HEATR5A: variants seen among roughly 807,000 people sequenced by gnomAD.
HEATR5A encodes the protein HEAT repeat containing 5A.
Under a neutral mutation model 218.8 loss-of-function variants are expected in HEATR5A, and 178 were observed. The ratio of observed to expected loss-of-function variants is 0.81; its 90% CI spans 0.72 to 0.92. The LOEUF (loss-of-function observed/expected upper bound fraction) is 0.92, where lower values mean the gene tolerates loss of function less well. Ranked by LOEUF, HEATR5A falls within the 40% of genes least tolerant of loss-of-function variation. The pLI is 0.00. For synonymous variants in HEATR5A, 864 were observed against 871.6 expected (o/e 0.99, Z 0.15); for missense variants, 2,420 against 2,418.9 (o/e 1.00, Z -0.01).
At chr14:31,305,257 G>T in intron 31 of HEATR5A, 80 bp from the exon 32 acceptor site, 2 of 1,406,364 alleles carry the variant, frequency 1.4e-6, no homozygotes, top group South Asian at 1.3e-5. Flanking sequence ...CCTGTTACAG[G>T]AAATACATGT....
chr14:31,321,577 T>C lies in HEATR5A; in HGVS notation c.3891A>G (p.Leu1297=). 1 of 1,608,390 alleles carries C rather than the reference T, an allele frequency of 6.2e-7. No individual in the cohort carries two copies. Among genetic ancestry groups the C allele is most frequent in the East Asian group, 2.2e-5 (1 of 44,768 alleles). ...CAGTTGCAAATCGCCGAATAACAAC[T>C]AACAGCATTTCAAGGCCAGAAAGAC... is the stretch of plus-strand genomic sequence containing the variant. The part of the protein sequence containing the change: ...QLRLSGLEML[L]VVIRRFATVP... Residue 1297 remains leucine, a synonymous_variant, in exon 25 of 36, where the codon TTA becomes TTG. Transcript: ENST00000543095.
chr14:31,334,501 G>T (rs751837407), intron 22 of HEATR5A: 1 of 452,498 alleles, frequency 2.2e-6, no homozygotes, highest in South Asian at 1.6e-5. Context: ...CGTGAATTTA[G>T]TTGATAAAGT....
At chr14:31,358,447 G>T (rs1009014381) in intron 16 of HEATR5A, among the ~76,000 whole-genome samples, 190 bp downstream of exon 16, 1 of 152,274 alleles carries the variant, frequency 6.6e-6, no homozygotes, top group Admixed American at 6.5e-5. Flanking sequence ...ATCCACAACA[G>T]TTCTAGTGGT....
Position 31,398,726 on chromosome 14 carries a change from T to G in HEATR5A, c.394A>C (p.Asn132His). Residue 132 changes from asparagine to histidine, a missense_variant, in exon 4 of 36, where the codon AAC becomes CAC. Asn to His is a moderately conservative substitution (Grantham distance 68, BLOSUM62 1). Transcript: ENST00000543095. ...LYKKLGRILG[N>H]TFTDTVGNIL... Reference sequence around the variant, plus strand: ...TTCCCCACTGTATCAGTAAAGGTGTTACCCAGTATTCTACCCAACTTCTTG... The same window carrying G: ...TTCCCCACTGTATCAGTAAAGGTGTGACCCAGTATTCTACCCAACTTCTTG... 6.5e-7 allele frequency: 1 copy of G among 1,533,656 alleles called. No homozygotes were observed. Among genetic ancestry groups the G allele is most frequent in the South Asian group, 1.2e-5 (1 of 83,982 alleles).
chr14:31,356,792 A>G (rs1371182187), intron 16 of HEATR5A, among the ~76,000 whole-genome samples: 2 of 152,228 alleles, frequency 1.3e-5, no homozygotes, highest in East Asian at 3.8e-4. Context: ...ATCCGAAAAG[A>G]AAACTTCTCT....
intron 8 of HEATR5A, among the ~76,000 whole-genome samples, chr14:31,386,795 C>T (rs181929868): frequency 3.7e-4 from 56 of 152,210 alleles, no homozygotes; most frequent in Non-Finnish European, 4.3e-4. Context: ...CAATCAGAGA[C>T]CCCTTATTAC....
intron 21 of HEATR5A, among the ~76,000 whole-genome samples, chr14:31,342,071 A>G (rs1566761022): frequency 6.6e-6 from 1 of 152,118 alleles, no homozygotes. Flanking sequence ...TTCTATCAGA[A>G]AGTCAGTCAA....
intron 24 of HEATR5A, among the ~76,000 whole-genome samples, chr14:31,321,886 CTAG>C (rs952097806): frequency 1.3e-5 from 2 of 152,146 alleles, no homozygotes; most frequent in Non-Finnish European, 2.9e-5. Context: ...TGTCCCAAAG[CTAG>C]TAAGTATATC....
intron 14 of HEATR5A, among the ~76,000 whole-genome samples, chr14:31,362,879 G>A (rs1365838437): frequency 1.3e-5 from 2 of 152,030 alleles, no homozygotes; most frequent in Non-Finnish European, 2.9e-5. Context: ...GAAGAGTTGA[G>A]CAGCAGTCCT....
At chr14:31,301,955 AT>A (rs1899397040) in intron 33 of HEATR5A, among the ~76,000 whole-genome samples, 1 of 149,714 alleles carries the variant, frequency 6.7e-6, no homozygotes, top group African/African-American at 2.5e-5. Flanking sequence ...CTGAGACAGC[AT>A]TGGGTAGCTG....
Position 31,309,140 on chromosome 14 carries a change from A to G in HEATR5A, c.4484T>C (p.Leu1495Ser). The part of the protein sequence containing the change: ...YTAETSENAK[L>S]HYYNSWALIL... ...AAGTGCCCAGGAGTTGTAATAATGC[A>G]ATTTTGCATTTTCACTAGTCTCTGC... The change falls in exon 29 of 36, where the codon TTG (leucine) becomes TCG (serine). Residue 1495 changes from leucine to serine, a missense_variant. Transcript: ENST00000543095. 1 of 1,613,956 alleles carries G rather than the reference A, an allele frequency of 6.2e-7. No homozygotes were observed. The highest frequency in any genetic ancestry group is 8.5e-7 in the Non-Finnish European group (1 of 1,179,852).
intron 7 of HEATR5A, 108 bp downstream of exon 7, chr14:31,388,737 G>C (rs921775184): frequency 1.6e-5 from 13 of 801,666 alleles, no homozygotes; most frequent in African/African-American, 3.4e-5. Flanking sequence ...ATAGATATGA[G>C]AGCATAAGTG....
At chr14:31,346,218 C>T (rs1339109902) in intron 19 of HEATR5A, among the ~76,000 whole-genome samples, 2 of 151,986 alleles carry the variant, frequency 1.3e-5, no homozygotes, top group East Asian at 1.9e-4. Context: ...CACTGACAGC[C>T]ACAGAAAGTA....
chr14:31,308,038 A>G lies in HEATR5A; in HGVS notation c.4691-18T>C. The G allele has an allele frequency of 6.3e-7, 1 of 1,585,326 alleles. No homozygotes were observed. The highest frequency in any genetic ancestry group is 2.2e-5 in the East Asian group (1 of 44,540). On this transcript the variant is annotated intron_variant, in intron 29 of 35. Coordinates refer to ENST00000543095, the MANE Select transcript of HEATR5A (RefSeq NM_015473.4). ...GCTGATTCCTGTGGAAAGCAAAAAA[A>G]GAGGAGGAGGCTTCTTTCAAATTAT...
intron 6 of HEATR5A, among the ~76,000 whole-genome samples, chr14:31,389,762 T>C (rs1269799202): frequency 6.6e-6 from 1 of 152,006 alleles, no homozygotes; most frequent in Non-Finnish European, 1.5e-5. Context: ...CAAAAAAACC[T>C]CCTCCCTAGC....
At chr14:31,332,985 CAA>C (rs34966796) in intron 22 of HEATR5A, among the ~76,000 whole-genome samples, 98 of 128,430 alleles carry the variant, frequency 7.6e-4, no homozygotes, top group Non-Finnish European at 7.8e-4. Flanking sequence ...GACTCCATCT[CAA>C]AAAAAAAAAA....
chr14:31,378,480 C>T (rs539121129), intron 11 of HEATR5A, among the ~76,000 whole-genome samples: 1 of 152,258 alleles, frequency 6.6e-6, no homozygotes, highest in Non-Finnish European at 1.5e-5. Flanking sequence ...CAATAAATCT[C>T]TTTAATCATC....
chr14:31,316,533 G>C (rs1160297647), intron 26 of HEATR5A, among the ~76,000 whole-genome samples: 1 of 152,144 alleles, frequency 6.6e-6, no homozygotes, highest in Non-Finnish European at 1.5e-5. Context: ...AACATTTCTA[G>C]ATGTATTAAT....
At chr14:31,397,295 A>G (rs753984208) in intron 4 of HEATR5A, among the ~76,000 whole-genome samples, 4 of 152,120 alleles carry the variant, frequency 2.6e-5, no homozygotes, top group Non-Finnish European at 5.9e-5. Context: ...TTATTTTTGT[A>G]AATAAAGTGA....
Sources: gnomAD v4.1 joint callset for allele counts (sites outside exome capture counted in the v4.1 genomes callset) on GRCh38, gnomAD v4.1.1 for gene constraint, MANE v1.5 for transcripts, NCBI Gene and HGNC (gene_info 2026-07-23, HGNC 2026-07-21) for gene names.